The following MYO3B variants were observed in gnomAD, a reference collection of about 807,000 sequenced individuals.
MYO3B encodes the protein myosin-IIIb.
A neutral mutation model predicts 174.6 loss-of-function variants in MYO3B; 156 were observed. That is an observed-to-expected ratio of 0.89 (90% CI 0.78 to 1.02). The LOEUF (loss-of-function observed/expected upper bound fraction) is 1.02. Among genes scored for constraint, MYO3B ranks in the 50% least tolerant of loss-of-function variants. The pLI, the probability that MYO3B is intolerant of heterozygous loss-of-function variation, is 0.00. For synonymous variants in MYO3B, 563 were observed against 569.1 expected (o/e 0.99, Z 0.15); for missense variants, 1,632 against 1,639.4 (o/e 1.00, Z 0.08).
chr2:170,637,122 G>A (rs1413697389), intron 32 of MYO3B, among the ~76,000 whole-genome samples: 1 of 150,838 alleles, frequency 6.6e-6, no homozygotes, highest in Non-Finnish European at 1.5e-5. Flanking sequence ...ATGACATATA[G>A]GAAGGTGCTT....
intron 30 of MYO3B, among the ~76,000 whole-genome samples, chr2:170,542,425 A>G (rs916078831): frequency 4.6e-5 from 7 of 152,222 alleles, no homozygotes; most frequent in African/African-American, 2.4e-5. Flanking sequence ...CCATAAATGT[A>G]TATTGTAATT....
At chr2:170,259,354 T>C (rs530751294) in intron 7 of MYO3B, among the ~76,000 whole-genome samples, 152 of 152,192 alleles carry the variant, frequency 1.0e-3, no homozygotes, top group African/African-American at 3.4e-3. Context: ...GGTACTGGTA[T>C]AAAAACAGTC....
intron 9 of MYO3B, among the ~76,000 whole-genome samples, chr2:170,379,468 C>T (rs2094319967): frequency 1.3e-5 from 2 of 152,208 alleles, no homozygotes; most frequent in East Asian, 3.9e-4. Context: ...GCTGGGATTA[C>T]AGGCGTGAAC....
chr2:170,471,174 G>A (rs1293971298), intron 25 of MYO3B, among the ~76,000 whole-genome samples: 5 of 151,790 alleles, frequency 3.3e-5, no homozygotes, highest in East Asian at 3.9e-4. Context: ...CTCAGCCTCC[G>A]GAGTAGCTGG....
intron 29 of MYO3B, among the ~76,000 whole-genome samples, chr2:170,519,004 A>C (rs1428639838): frequency 6.6e-6 from 1 of 152,230 alleles, no homozygotes; most frequent in Non-Finnish European, 1.5e-5. Context: ...CCCTGTTTAC[A>C]GTTAATCCTA....
intron 20 of MYO3B, 53 bp from the exon 21 acceptor site, chr2:170,405,492 T>G: frequency 6.3e-7 from 1 of 1,578,710 alleles, no homozygotes; most frequent in South Asian, 1.1e-5. Flanking sequence ...AAGTTTTTGT[T>G]TGAAAGAGGA....
intron 32 of MYO3B, among the ~76,000 whole-genome samples, chr2:170,632,997 A>G (rs1358065567): frequency 6.6e-6 from 1 of 152,182 alleles, no homozygotes; most frequent in East Asian, 1.9e-4. Context: ...CCAACCAAAA[A>G]AAGTCCAGGG....
intron 7 of MYO3B, among the ~76,000 whole-genome samples, chr2:170,309,953 T>A (rs1410606831): frequency 6.6e-6 from 1 of 152,188 alleles, no homozygotes; most frequent in African/African-American, 2.4e-5. Context: ...TAACTATCAA[T>A]CTGCATTCTG....
intron 30 of MYO3B, among the ~76,000 whole-genome samples, chr2:170,537,064 G>A (rs1469068002): frequency 6.6e-6 from 1 of 151,976 alleles, no homozygotes; most frequent in African/African-American, 2.4e-5. Context: ...AGCCGGGCGT[G>A]GTGGTGGGCG....
intron 1 of MYO3B, among the ~76,000 whole-genome samples, chr2:170,198,129 T>C (rs1344260139): frequency 1.5e-5 from 2 of 129,628 alleles, no homozygotes; most frequent in Non-Finnish European, 3.3e-5. Context: ...TTTTTTTTTT[T>C]TCCCTTCTTC....
intron 7 of MYO3B, among the ~76,000 whole-genome samples, chr2:170,266,524 T>C (rs1167818372): frequency 6.6e-6 from 1 of 152,216 alleles, no homozygotes; most frequent in Non-Finnish European, 1.5e-5. Context: ...TAACAGTTTT[T>C]GTCAAAGAGT....
chr2:170,317,043 C>T (rs1420475323), intron 7 of MYO3B, among the ~76,000 whole-genome samples: 1 of 152,132 alleles, frequency 6.6e-6, no homozygotes, highest in East Asian at 1.9e-4. Flanking sequence ...AACTGCTATA[C>T]TCATCTTTGT....
At chr2:170,466,734 T>C (rs1355484363) in intron 25 of MYO3B, 23 bp downstream of exon 25, 3 of 1,609,718 alleles carry the variant, frequency 1.9e-6, no homozygotes, top group Non-Finnish European at 2.5e-6. Flanking sequence ...TCTACGGGAA[T>C]GCATTCTTAT....
chr2:170,182,646 C>A (rs543287711), intron 1 of MYO3B, among the ~76,000 whole-genome samples: 14 of 143,044 alleles, frequency 9.8e-5, no homozygotes, highest in African/African-American at 3.6e-4. Flanking sequence ...GAGTTTCACT[C>A]CATTGCCCAA....
At chr2:170,466,359 A>C in intron 24 of MYO3B, 147 bp from the exon 25 acceptor site, 1 of 704,710 alleles carries the variant, frequency 1.4e-6, no homozygotes, top group Non-Finnish European at 2.4e-6. Context: ...TGCAACTTAC[A>C]TTATTATCTC....
At chr2:170,545,288 C>A (rs1014816673) in intron 32 of MYO3B, among the ~76,000 whole-genome samples, 62 of 152,166 alleles carry the variant, frequency 4.1e-4, no homozygotes, top group African/African-American at 1.4e-3. Context: ...ATAGCAACTC[C>A]TTACCTTAGT....
intron 32 of MYO3B, among the ~76,000 whole-genome samples, chr2:170,564,913 T>C (rs1184668965): frequency 2.0e-5 from 3 of 152,028 alleles, no homozygotes; most frequent in Admixed American, 1.3e-4. Context: ...GTCTCTCTTT[T>C]AATATCCAAT....
intron 7 of MYO3B, among the ~76,000 whole-genome samples, chr2:170,305,264 A>G (rs2093693391): frequency 6.6e-6 from 1 of 152,148 alleles, no homozygotes; most frequent in Non-Finnish European, 1.5e-5. Flanking sequence ...CCTACACTAA[A>G]ACGTTACATA....
intron 5 of MYO3B, 116 bp downstream of exon 5, chr2:170,214,944 T>C (rs2092811748): frequency 1.3e-6 from 1 of 748,354 alleles, no homozygotes; most frequent in South Asian, 1.7e-5. Context: ...GAGGGACTTT[T>C]CCAGTCAAAC....
Sources: gnomAD v4.1 joint callset for allele counts (sites outside exome capture counted in the v4.1 genomes callset) on GRCh38, gnomAD v4.1.1 for gene constraint, MANE v1.5 for transcripts, NCBI Gene and HGNC (gene_info 2026-07-23, HGNC 2026-07-21) for gene names.